Variants in FBXO15 observed in about 807,000 individuals in gnomAD.
FBXO15 encodes F-box only protein 15.
Under a neutral mutation model 49.5 loss-of-function variants are expected in FBXO15, and 30 were observed. That is an observed-to-expected ratio of 0.61 (90% CI 0.45 to 0.82). FBXO15 has a LOEUF of 0.82. Among genes scored for constraint, FBXO15 ranks in the 40% least tolerant of loss-of-function variants. The pLI is 0.00. For missense variants in FBXO15, 591 were observed against 631.5 expected (o/e 0.94, Z 0.69); for synonymous variants, 250 against 232.7 (o/e 1.07, Z -0.68).
At chr18:74,084,094 T>C (rs1402857853) in intron 8 of FBXO15, among the ~76,000 whole-genome samples, 4 of 152,246 alleles carry the variant, frequency 2.6e-5, no homozygotes, top group African/African-American at 7.2e-5. Context: ...GTAAGAAATA[T>C]GCAAAACATA....
intron 8 of FBXO15, among the ~76,000 whole-genome samples, chr18:74,087,287 T>C (rs899266713): frequency 7.9e-5 from 12 of 152,272 alleles, no homozygotes; most frequent in African/African-American, 2.4e-4. Flanking sequence ...GTTTGTTATA[T>C]AGGTAAACCG....
intron 5 of FBXO15, among the ~76,000 whole-genome samples, chr18:74,126,417 A>G (rs986066206): frequency 6.6e-6 from 1 of 152,208 alleles, no homozygotes; most frequent in Non-Finnish European, 1.5e-5. Context: ...TTCCCTCCAA[A>G]TCCAGCACAA....
At chr18:74,081,812 A>G in intron 9 of FBXO15, 115 bp downstream of exon 9, 1 of 777,098 alleles carries the variant, frequency 1.3e-6, no homozygotes, top group Non-Finnish European at 1.9e-6. Context: ...CAATAAATCC[A>G]GAACTATAAA....
chr18:74,100,623 T>C (rs1913474640), intron 8 of FBXO15, among the ~76,000 whole-genome samples: 1 of 151,740 alleles, frequency 6.6e-6, no homozygotes, highest in Admixed American at 6.6e-5. Flanking sequence ...TGAAACAAAA[T>C]GGTGGTTCTT....
chr18:74,123,164 T>TC, intron 8 of FBXO15: 1 of 479,094 alleles, frequency 2.1e-6, no homozygotes, highest in South Asian at 3.7e-5. Context: ...GTGATGGTGG[T>TC]GAAGGAGACA....
At chr18:74,110,180 T>TATAC (rs1913954185) in intron 8 of FBXO15, among the ~76,000 whole-genome samples, 1 of 116,970 alleles carries the variant, frequency 8.5e-6, no homozygotes, top group Non-Finnish European at 1.7e-5. Flanking sequence ...TATATATATA[T>TATAC]ACACATATGT....
At position 74,130,075 on chromosome 18, in the gene FBXO15, G is replaced by A. The variant is rs1017103751; in HGVS notation, c.575+341C>T. Among the ~76,000 whole-genome samples, 9 of 152,076 alleles carry A rather than the reference G, an allele frequency of 5.9e-5. No homozygotes were observed. The East Asian group carries it at 7.7e-4, about 13-fold the overall frequency. ...GCATATAACCTATGCACCTCCTCCC[G>A]TATTCTTTAAATCATCTTGAGATTA... On this transcript the variant is annotated intron_variant, in intron 4 of 9. Transcript: ENST00000419743.
At chr18:74,135,927 T>C (rs1028023892) in intron 2 of FBXO15, 61 bp from the exon 3 acceptor site, 55 of 1,383,924 alleles carry the variant, frequency 4.0e-5, no homozygotes, top group Non-Finnish European at 5.4e-5. Flanking sequence ...AATCTGCAGA[T>C]TACCCAGAAA....
At chr18:74,092,156 G>C (rs1198481884) in intron 8 of FBXO15, among the ~76,000 whole-genome samples, 1 of 151,984 alleles carries the variant, frequency 6.6e-6, no homozygotes, top group Non-Finnish European at 1.5e-5. Context: ...CTCATGCTTG[G>C]TTGATTCTGT....
rs114939452 is a variant in FBXO15, at chr18:74,075,829, A to G, written c.1264-2099T>C. Among the ~76,000 whole-genome samples the G allele has an allele frequency of 3.2e-3, 493 of 152,178 alleles. 4 individuals carry two copies. The highest frequency in any genetic ancestry group is 0.012 in the African/African-American group (481 of 41,514). On this transcript the variant is annotated intron_variant, in intron 9 of 9. Transcript: ENST00000419743. This position sits in a 1 kb window ranked among gnomAD's most constrained non-coding sequence, Gnocchi z 4.1. Reference sequence around the variant, plus strand: ...TTCCTACAGCTTGGTCCTAGGCCCTATTTTCACTCTATGTAATCTCTCCCC... The same window carrying G: ...TTCCTACAGCTTGGTCCTAGGCCCTGTTTTCACTCTATGTAATCTCTCCCC...
chr18:74,085,075 A>G (rs892568447), intron 8 of FBXO15, among the ~76,000 whole-genome samples: 5 of 152,140 alleles, frequency 3.3e-5, no homozygotes, highest in Non-Finnish European at 7.4e-5. Context: ...AAACTTATCT[A>G]TTATAGTTTC....
At chr18:74,092,589 TG>T (rs1317190160) in intron 8 of FBXO15, among the ~76,000 whole-genome samples, 43 of 152,286 alleles carry the variant, frequency 2.8e-4, no homozygotes, top group African/African-American at 1.0e-3. Context: ...GGGGTATGAT[TG>T]TGACGTAAGG....
At chr18:74,098,223 C>T (rs1426452678) in intron 8 of FBXO15, 1 of 152,018 alleles carries the variant, frequency 6.6e-6, no homozygotes, top group Non-Finnish European at 1.5e-5. Context: ...TAATATCCCC[C>T]AAAAATCACA....
intron 8 of FBXO15, among the ~76,000 whole-genome samples, chr18:74,102,579 T>C (rs1328777344): frequency 1.3e-5 from 2 of 152,318 alleles, no homozygotes; most frequent in Admixed American, 1.3e-4. Flanking sequence ...AGAACTACCA[T>C]TTGATCCAGC....
intron 8 of FBXO15, among the ~76,000 whole-genome samples, chr18:74,093,262 A>ATG: frequency 5.1e-5 from 1 of 19,790 alleles, no homozygotes; most frequent in East Asian, 2.9e-3. Flanking sequence ...TGGCAAAACA[A>ATG]TGGGGGGGGG....
chr18:74,114,499 T>C (rs1914148811), intron 8 of FBXO15, among the ~76,000 whole-genome samples: 1 of 148,304 alleles, frequency 6.7e-6, no homozygotes, highest in Non-Finnish European at 1.5e-5. Flanking sequence ...ATGTCATCTA[T>C]TTACATTTCC....
At chr18:74,081,069 A>T (rs1912473204) in intron 9 of FBXO15, among the ~76,000 whole-genome samples, 1 of 152,236 alleles carries the variant, frequency 6.6e-6, no homozygotes, top group Non-Finnish European at 1.5e-5. Flanking sequence ...TTTTTACCAA[A>T]ACTTAAACAT....
chr18:74,104,768 G>C (rs947282380), intron 8 of FBXO15, among the ~76,000 whole-genome samples: 1 of 152,122 alleles, frequency 6.6e-6, no homozygotes, highest in Non-Finnish European at 1.5e-5. Context: ...CAACAGCAGA[G>C]CTCCCAATTA....
chr18:74,123,404 G>C lies in FBXO15; in HGVS notation c.1102C>G (p.Leu368Val). The change falls in exon 8 of 10, where the codon CTA (leucine) becomes GTA (valine). Residue 368 changes from leucine (L) to valine (V), a missense_variant. Coordinates refer to ENST00000419743, the MANE Select transcript of FBXO15 (RefSeq NM_001142958.2). ...AAGAGATTGCGAAATGTACCACATA[G>C]GTAGAAAACCCCACCGCTGTGCAGA... is the stretch of plus-strand genomic sequence containing the variant. ...VDLHSGGVFY[L>V]CGTFRNLFTK... The C allele has an allele frequency of 6.2e-7, 1 of 1,613,670 alleles. No individual in the cohort carries two copies. Among genetic ancestry groups the C allele is most frequent in the East Asian group, 2.2e-5 (1 of 44,852 alleles).
Sources: gnomAD v4.1 joint callset for allele counts (sites outside exome capture counted in the v4.1 genomes callset) on GRCh38, gnomAD v4.1.1 for gene constraint, Gnocchi (gnomAD v3.1) non-coding constraint, MANE v1.5 for transcripts, NCBI Gene and HGNC (gene_info 2026-07-23, HGNC 2026-07-21) for gene names.